STXBP4: variants seen among roughly 807,000 people sequenced by gnomAD.
STXBP4 encodes the protein syntaxin binding protein 4.
In STXBP4, 55 loss-of-function variants were observed where a neutral mutation model predicts 76.1. That is an observed-to-expected ratio of 0.72 (90% CI 0.58 to 0.91). STXBP4 has a LOEUF of 0.91. Among genes scored for constraint, STXBP4 ranks in the 40% least tolerant of loss-of-function variants. The pLI, the probability that STXBP4 is intolerant of heterozygous loss-of-function variation, is 0.00. For synonymous variants in STXBP4, 201 were observed against 220.2 expected, an observed-to-expected ratio of 0.91 and a Z score of 0.77; for missense variants, 618 against 636.9, an observed-to-expected ratio of 0.97 and a Z score of 0.32.
Position 55,167,195 on chromosome 17 carries a change from A to T in STXBP4, c.*7284A>T, listed in dbSNP as rs2080381395. ...ATGTAATTAATTTGGATAGGAAAGT[A>T]GGGCATGTGTCATCTCTCCTAGTAG... On this transcript the variant is annotated 3_prime_UTR_variant, in exon 18 of 18. Transcript: ENST00000376352. The T allele has an allele frequency of 6.6e-6, 1 of 152,222 alleles. No individual in the cohort carries two copies. Among genetic ancestry groups the T allele is most frequent in the South Asian group, 2.1e-4 (1 of 4,834 alleles). The allele number at this position is 152,222 out of a possible 1,614,324, so 9.4% of individuals were successfully genotyped here. A position where few individuals can be genotyped will look rare whatever the true frequency, so the allele number is the denominator to read the frequency against.
chr17:55,098,636 A>C (rs975987627), intron 16 of STXBP4, among the ~76,000 whole-genome samples: 1 of 152,178 alleles, frequency 6.6e-6, no homozygotes, highest in African/African-American at 2.4e-5. Flanking sequence ...TGAGAAAAGC[A>C]AAGAGGATAG....
intron 16 of STXBP4, among the ~76,000 whole-genome samples, chr17:55,081,473 G>A (rs2079254350): frequency 6.6e-6 from 1 of 152,164 alleles, no homozygotes; most frequent in African/African-American, 2.4e-5. Flanking sequence ...TGGAGGAGTG[G>A]AATCAGCATT....
intron 10 of STXBP4, among the ~76,000 whole-genome samples, chr17:55,040,165 G>GA (rs1044095581): frequency 6.6e-6 from 1 of 151,860 alleles, no homozygotes; most frequent in Non-Finnish European, 1.5e-5. Flanking sequence ...AAATTTCAAG[G>GA]AAAAAAAGCC....
chr17:55,182,443 G>A, the STXBP4 span, among the ~76,000 whole-genome samples: 28 of 152,172 alleles, frequency 1.8e-4, no homozygotes, highest in East Asian at 5.0e-3. Context: ...AGACTAAAGG[G>A]CATATGAAGT....
At chr17:55,086,735 G>A (rs1235798312) in intron 16 of STXBP4, among the ~76,000 whole-genome samples, 1 of 152,120 alleles carries the variant, frequency 6.6e-6, no homozygotes, top group Admixed American at 6.6e-5. Flanking sequence ...ACACATGGCA[G>A]GATGTCTCTT....
At chr17:55,010,263 T>C (rs76139852) in intron 8 of STXBP4, among the ~76,000 whole-genome samples, 2 of 141,862 alleles carry the variant, frequency 1.4e-5, no homozygotes, top group Admixed American at 7.0e-5. Context: ...TATATATATA[T>C]ACACACATAC....
chr17:55,185,237 CTT>C, the STXBP4 span, among the ~76,000 whole-genome samples: 4 of 50,180 alleles, frequency 8.0e-5, no homozygotes, highest in East Asian at 7.5e-4. Context: ...TCTTCTTCTT[CTT>C]CTTCTTCTTC....
chr17:55,019,394 T>A (rs1033828361), intron 8 of STXBP4, among the ~76,000 whole-genome samples: 1 of 152,222 alleles, frequency 6.6e-6, no homozygotes, highest in Non-Finnish European at 1.5e-5. Flanking sequence ...CTAAGGTTAA[T>A]CAGAATTCCT....
At chr17:55,057,128 A>C (rs1041955044) in intron 12 of STXBP4, among the ~76,000 whole-genome samples, 1 of 152,200 alleles carries the variant, frequency 6.6e-6, no homozygotes, top group Non-Finnish European at 1.5e-5. Flanking sequence ...ACTCATTTAC[A>C]TGCACTGATA....
intron 8 of STXBP4, among the ~76,000 whole-genome samples, chr17:55,008,838 G>T (rs966265784): frequency 6.6e-6 from 1 of 152,146 alleles, no homozygotes; most frequent in African/African-American, 2.4e-5. Flanking sequence ...GGGAGAAAAG[G>T]TGAGAGAAGG....
At chr17:55,147,810 G>A (rs2080174008) in intron 17 of STXBP4, among the ~76,000 whole-genome samples, 1 of 152,160 alleles carries the variant, frequency 6.6e-6, no homozygotes, top group Non-Finnish European at 1.5e-5. Flanking sequence ...GCTGTCTCAA[G>A]TATTATTTTG....
intron 16 of STXBP4, among the ~76,000 whole-genome samples, chr17:55,105,823 T>C (rs1003509809): frequency 6.6e-6 from 1 of 152,092 alleles, no homozygotes; most frequent in Non-Finnish European, 1.5e-5. Flanking sequence ...TCTGAGAGAC[T>C]GTTTGTTATG....
intron 4 of STXBP4, among the ~76,000 whole-genome samples, chr17:54,992,058 C>T (rs1048264278): frequency 3.9e-5 from 6 of 152,014 alleles, no homozygotes; most frequent in Non-Finnish European, 5.9e-5. Context: ...AGTTGTAGTA[C>T]TTTCAATTGT....
intron 1 of STXBP4, among the ~76,000 whole-genome samples, chr17:54,983,706 T>C (rs1025665066): frequency 2.6e-5 from 4 of 152,210 alleles, no homozygotes; most frequent in African/African-American, 9.6e-5. Context: ...TGCCAATTAA[T>C]GGTAGTTGCT....
intron 16 of STXBP4, among the ~76,000 whole-genome samples, chr17:55,106,797 C>G (rs778134154): frequency 6.6e-6 from 1 of 151,722 alleles, no homozygotes; most frequent in Non-Finnish European, 1.5e-5. Context: ...TCCCCACTCT[C>G]TTCTGGCTTG....
At chr17:55,085,801 C>T (rs1408311679) in intron 16 of STXBP4, among the ~76,000 whole-genome samples, 2 of 151,986 alleles carry the variant, frequency 1.3e-5, no homozygotes, top group African/African-American at 4.8e-5. Flanking sequence ...ATAGTGTCTA[C>T]TCAGTTTTCC....
chr17:55,120,815 G>GTT lies in STXBP4; in HGVS notation c.1490-20486_1490-20485dup, dbSNP rs56937675. Among the ~76,000 whole-genome samples, 862 of 150,336 alleles carry GTT rather than the reference G, an allele frequency of 5.7e-3. 2 individuals are homozygous for GTT. Among genetic ancestry groups the GTT allele is most frequent in the Non-Finnish European group, 7.1e-3 (482 of 67,512 alleles). Reference sequence around the variant, plus strand: ...GACTGTGTTTCCTAGAAGAAAGAGTGTTTTTTTTTTAAGTAATTTGCACAG... The same window carrying GTT: ...GACTGTGTTTCCTAGAAGAAAGAGTGTTTTTTTTTTTTAAGTAATTTGCACAG... On this transcript the variant is annotated intron_variant, in intron 16 of 17. Coordinates refer to ENST00000376352, the MANE Select transcript of STXBP4 (RefSeq NM_178509.6).
In STXBP4 at chr17:55,127,484, A is replaced by C. The variant is rs1016043649; in HGVS notation, c.1490-13826A>C. Among the ~76,000 whole-genome samples, 5 of 152,202 alleles carry C rather than the reference A, an allele frequency of 3.3e-5. No homozygotes were observed. The South Asian group carries it at 6.2e-4, about 19-fold the overall frequency. Reference sequence around the variant, plus strand: ...TTGAAAACATGGATTGACATATGTTAATCCATCCATGGATGGATTTAAATG... The same window carrying C: ...TTGAAAACATGGATTGACATATGTTCATCCATCCATGGATGGATTTAAATG... On this transcript the variant is annotated intron_variant, in intron 16 of 17. Transcript: ENST00000376352.
At chr17:55,082,411 T>C (rs1165526655) in intron 16 of STXBP4, among the ~76,000 whole-genome samples, 1 of 152,208 alleles carries the variant, frequency 6.6e-6, no homozygotes, top group African/African-American at 2.4e-5. Flanking sequence ...ATTTAATGTA[T>C]ATTAAAACTA....
Sources: allele counts gnomAD v4.1 joint callset (sites outside exome capture counted in the v4.1 genomes callset), GRCh38; gene constraint gnomAD v4.1.1; transcripts MANE v1.5; gene names NCBI Gene and HGNC (gene_info 2026-07-23, HGNC 2026-07-21).